MORC1: variants seen among roughly 807,000 people sequenced by gnomAD.
MORC1 encodes the protein MORC family CW-type zinc finger 1.
A neutral mutation model predicts 134.9 loss-of-function variants in MORC1; 59 were observed. That is an observed-to-expected ratio of 0.44 (90% CI 0.35 to 0.54). The LOEUF is 0.54. MORC1 is among the 20% of genes least tolerant of loss of function. The pLI is 0.00. For missense variants in MORC1, 947 were observed against 1,134.5 expected, an observed-to-expected ratio of 0.83 and a Z score of 2.37; for synonymous variants, 395 against 391.7, an observed-to-expected ratio of 1.01 and a Z score of -0.10.
chr3:108,984,215 T>A (rs1318247068), intron 23 of MORC1, among the ~76,000 whole-genome samples: 1 of 152,184 alleles, frequency 6.6e-6, no homozygotes, highest in Non-Finnish European at 1.5e-5. Flanking sequence ...GTACAGAGGA[T>A]AAGAGTTTGC....
At chr3:108,994,047 T>C (rs539772862) in intron 21 of MORC1, among the ~76,000 whole-genome samples, 1 of 152,278 alleles carries the variant, frequency 6.6e-6, no homozygotes, top group South Asian at 2.1e-4. Flanking sequence ...TAAGCTGGAA[T>C]CTGCCTCTTT....
chr3:109,100,041 C>T (rs916008827), intron 5 of MORC1, among the ~76,000 whole-genome samples: 1 of 151,890 alleles, frequency 6.6e-6, no homozygotes, highest in East Asian at 1.9e-4. Context: ...GTCAGGAGTT[C>T]GAGACTAGCC....
chr3:109,008,869 G>C (rs1948614536), intron 17 of MORC1, among the ~76,000 whole-genome samples: 1 of 152,204 alleles, frequency 6.6e-6, no homozygotes, highest in East Asian at 1.9e-4. Flanking sequence ...TTAGTACTAA[G>C]AAGTATGCTA....
At position 109,027,873 on chromosome 3, in the gene MORC1, A is replaced by G. The variant is rs753240399; in HGVS notation, c.1582T>C (p.Cys528Arg). 6.2e-7 allele frequency: 1 copy of G among 1,613,490 alleles called. No homozygotes were observed. The highest frequency in any genetic ancestry group is 8.5e-7 in the Non-Finnish European group (1 of 1,179,696). The stretch of plus-strand genomic sequence containing the variant: ...GTGCCCAGTGGGATGGAAGGTAGAC[A>G]TTCTACCTGATGACAACTTCAGAAT... ...RLENSCHQVE[C>R]LPSIPLGTMS... is the part of the protein sequence containing the mutation. The change falls in exon 17 of 28, where the codon TGT becomes CGT. Residue 528 changes from cysteine to arginine, a missense_variant. By Grantham distance (180) the Cys-to-Arg change is radical (BLOSUM62 -3). This residue lies in a region of MORC1 where 722 missense variants were observed against 817.0 expected (regional missense o/e 0.88). Coordinates refer to ENST00000232603, the MANE Select transcript of MORC1 (RefSeq NM_014429.4).
At chr3:108,969,387 G>A (rs1352638074) in intron 26 of MORC1, among the ~76,000 whole-genome samples, 4 of 152,032 alleles carry the variant, frequency 2.6e-5, no homozygotes, top group African/African-American at 4.8e-5. Context: ...TTGAGGATTC[G>A]GTGAAAATAT....
chr3:108,959,090 C>G lies in MORC1; in HGVS notation c.2830G>C (p.Asp944His). The change falls in exon 28 of 28, where the codon GAC becomes CAC. Residue 944 changes from aspartate (D) to histidine (H), a missense_variant. This residue lies in a region of MORC1 where 722 missense variants were observed against 817.0 expected (regional missense o/e 0.88). Coordinates refer to ENST00000232603, the MANE Select transcript of MORC1 (RefSeq NM_014429.4). Reference sequence around the variant, plus strand: ...TTAAGCAAAGCTTCTAAATAAGTGTCAGTCTGCTCCAGGTCACCTTCTGGA... The same window carrying G: ...TTAAGCAAAGCTTCTAAATAAGTGTGAGTCTGCTCCAGGTCACCTTCTGGA... ...GGPEGDLEQT[D>H]TYLEALLKED... 6.3e-7 allele frequency: 1 copy of G among 1,581,410 alleles called. No homozygotes were observed. Among genetic ancestry groups the G allele is most frequent in the Non-Finnish European group, 8.6e-7 (1 of 1,167,420 alleles).
At chr3:109,081,118 A>G (rs1359409591) in intron 8 of MORC1, among the ~76,000 whole-genome samples, 3 of 152,210 alleles carry the variant, frequency 2.0e-5, no homozygotes, top group Non-Finnish European at 4.4e-5. Flanking sequence ...AAGAGAATAC[A>G]TCTAAATCAT....
chr3:108,975,083 C>A (rs1418179463), intron 24 of MORC1, among the ~76,000 whole-genome samples: 1 of 152,202 alleles, frequency 6.6e-6, no homozygotes, highest in Non-Finnish European at 1.5e-5. Flanking sequence ...CATGTTGATA[C>A]AACTCTACTC....
intron 14 of MORC1, among the ~76,000 whole-genome samples, chr3:109,036,607 T>C (rs915307924): frequency 2.0e-5 from 3 of 152,192 alleles, no homozygotes; most frequent in Non-Finnish European, 4.4e-5. Flanking sequence ...AACATACGGC[T>C]ATGTAATCCA....
intron 2 of MORC1, 109 bp downstream of exon 2, chr3:109,114,275 A>G (rs988870832): frequency 8.8e-5 from 86 of 979,018 alleles, no homozygotes; most frequent in Middle Eastern, 2.2e-4. Context: ...AAGTCACAAA[A>G]CATTCCAGAT....
At chr3:109,035,499 C>A (rs200909118) in intron 14 of MORC1, 31 bp from the exon 15 acceptor site, 11 of 1,268,344 alleles carry the variant, frequency 8.7e-6, no homozygotes, top group African/African-American at 3.1e-5. Flanking sequence ...CAAAGAATAA[C>A]AAAAAAAAAT....
At chr3:109,009,160 C>T (rs1196244619) in intron 17 of MORC1, among the ~76,000 whole-genome samples, 1 of 151,536 alleles carries the variant, frequency 6.6e-6, no homozygotes, top group Admixed American at 6.6e-5. Context: ...CAAAAAGAGA[C>T]CATGAGAATA....
rs920390296 is a variant in MORC1, at chr3:109,040,840, AAAAAAAAAAAG to A, written c.1331-5383_1331-5373del. 5.6e-4 allele frequency among the ~76,000 whole-genome samples: 84 copies of A among 151,306 alleles called. 1 individual carries two copies. In the East Asian group the frequency reaches 0.013, roughly 24 times the overall value. ...GTAAAACTCTGTGTCAAAAAAAAAA[AAAAAAAAAAAG>A]AAAGAAAGAAATGTGAAAAAGTCAA... is the stretch of plus-strand genomic sequence containing the variant. On this transcript the variant is annotated intron_variant, in intron 14 of 27. Coordinates refer to ENST00000232603, the MANE Select transcript of MORC1 (RefSeq NM_014429.4).
At chr3:109,019,124 T>C (rs1260837694) in intron 17 of MORC1, 1 of 152,206 alleles carries the variant, frequency 6.6e-6, no homozygotes, top group Non-Finnish European at 1.5e-5. Flanking sequence ...CTTAATCTTC[T>C]TCTTTTCACC....
intron 17 of MORC1, 95 bp from the exon 18 acceptor site, chr3:109,007,186 A>G (rs779215802): frequency 9.5e-6 from 9 of 945,224 alleles, no homozygotes; most frequent in Non-Finnish European, 1.5e-5. Context: ...TTCTTAAAGA[A>G]GGGTCAAGAT....
chr3:108,975,430 G>C (rs1445912422), intron 24 of MORC1, among the ~76,000 whole-genome samples: 1 of 152,028 alleles, frequency 6.6e-6, no homozygotes, highest in East Asian at 1.9e-4. Context: ...CAAAAAGCAT[G>C]TTTATATTTT....
chr3:109,038,928 T>C (rs551803756), intron 14 of MORC1, among the ~76,000 whole-genome samples: 2 of 152,248 alleles, frequency 1.3e-5, no homozygotes, highest in South Asian at 4.2e-4. Flanking sequence ...CAGGCTCTTT[T>C]TTTGTTAAGA....
At chr3:109,098,716 A>G (rs1457654793) in intron 6 of MORC1, among the ~76,000 whole-genome samples, 2 of 152,102 alleles carry the variant, frequency 1.3e-5, no homozygotes, top group Non-Finnish European at 2.9e-5. Context: ...TCACTTTTTT[A>G]TCCAATTCAT....
chr3:109,074,782 G>C (rs1950384931), intron 8 of MORC1, among the ~76,000 whole-genome samples: 1 of 152,168 alleles, frequency 6.6e-6, no homozygotes, highest in Non-Finnish European at 1.5e-5. Context: ...GCTAGAAAGA[G>C]GTGTTGTAGG....
Sources: allele counts gnomAD v4.1 joint callset (sites outside exome capture counted in the v4.1 genomes callset), GRCh38; gene constraint gnomAD v4.1.1; regional missense constraint gnomAD v4.1.1; transcripts MANE v1.5; gene names NCBI Gene and HGNC (gene_info 2026-07-23, HGNC 2026-07-21).